PRKD3: variants seen among roughly 807,000 people sequenced by gnomAD.
The protein encoded by PRKD3 is serine/threonine-protein kinase D3.
A neutral mutation model predicts 99.2 loss-of-function variants in PRKD3; 47 were observed. The observed-to-expected ratio is 0.47, with a 90% CI of 0.38 to 0.60. The LOEUF is 0.60. Ranked by LOEUF, PRKD3 falls within the 20% of genes least tolerant of loss-of-function variation. PRKD3 has a pLI of 0.00. For missense variants in PRKD3, 1,019 were observed against 1,088.4 expected (o/e 0.94, Z 0.90); for synonymous variants, 392 against 355.4 (o/e 1.10, Z -1.16).
chr2:37,264,316 T>C (rs184659483), intron 14 of PRKD3, among the ~76,000 whole-genome samples: 2 of 152,362 alleles, frequency 1.3e-5, no homozygotes, highest in Non-Finnish European at 2.9e-5. Flanking sequence ...TCATTAAATA[T>C]TAAATAAGAA....
At chr2:37,283,624 A>G (rs746669657) in intron 6 of PRKD3, among the ~76,000 whole-genome samples, 19 of 152,172 alleles carry the variant, frequency 1.2e-4, no homozygotes, top group Non-Finnish European at 2.8e-4. Flanking sequence ...ACTACCTCTT[A>G]AACAATAGAT....
intron 2 of PRKD3, among the ~76,000 whole-genome samples, chr2:37,295,243 A>G (rs1216502758): frequency 6.6e-6 from 1 of 152,210 alleles, no homozygotes; most frequent in Non-Finnish European, 1.5e-5. Context: ...AGGAAGACAG[A>G]AATAAACACA....
intron 1 of PRKD3, among the ~76,000 whole-genome samples, chr2:37,320,423 C>CTTTTTTTTTTTTTTT (rs35158902): frequency 1.3e-5 from 1 of 78,126 alleles, no homozygotes; most frequent in Non-Finnish European, 2.3e-5. Flanking sequence ...AAGTTAACGA[C>CTTTTTTTTTTTTTTT]TTTTTTTTTT....
rs749324580 is a variant in PRKD3 at position 37,260,244 on chromosome 2, A to G, written c.2025T>C (p.Ile675=). 1 of 1,611,546 alleles carries G rather than the reference A, an allele frequency of 6.2e-7. No homozygotes were observed. The highest frequency in any genetic ancestry group is 8.5e-7 in the Non-Finnish European group (1 of 1,178,140). The change falls in exon 15 of 19, where the codon ATT becomes ATC. Residue 675 remains isoleucine (I), a synonymous_variant. Transcript: ENST00000234179. ...ATACCTGTGTGACCATGAATTTAGT[A>G]ATTCGTTCTGGAAGCCGACTTTTCT... is the stretch of plus-strand genomic sequence containing the variant. ...SSEKSRLPER[I]TKFMVTQILV... is the part of the protein sequence containing the mutation.
chr2:37,318,032 C>A (rs1671736370), intron 1 of PRKD3: 1 of 151,276 alleles, frequency 6.6e-6, no homozygotes, highest in African/African-American at 2.4e-5. Flanking sequence ...TGAAACAGCT[C>A]ATAATTGATG....
Position 37,324,766 on chromosome 2 carries a change from GCAGGATCC to G in PRKD3, c.-749_-742del, listed in dbSNP as rs1300806008. The G allele has an allele frequency of 6.6e-6, 1 of 151,074 alleles. No individual in the cohort carries two copies. The highest frequency in any genetic ancestry group is 6.6e-5 in the Admixed American group (1 of 15,202). 9.4% of individuals were successfully genotyped at this position (151,074 alleles called of 1,614,324 possible). On this transcript the variant is annotated 5_prime_UTR_variant, in exon 1 of 19. Transcript: ENST00000234179. ...GCGCCAGCGAGGCTTCACGCGCCTCGCAGGATCCCGCCCGCCTCCGGCGCCCCTTCCTC... is the reference window on the plus strand; with the variant it reads ...GCGCCAGCGAGGCTTCACGCGCCTCGCGCCCGCCTCCGGCGCCCCTTCCTC...
chr2:37,284,704 T>C (rs1170200156), intron 6 of PRKD3, among the ~76,000 whole-genome samples: 1 of 152,220 alleles, frequency 6.6e-6, no homozygotes, highest in Non-Finnish European at 1.5e-5. Flanking sequence ...AGTTATCAAA[T>C]ACCTGACAAC....
At chr2:37,269,804 C>T (rs1208138456) in intron 12 of PRKD3, 117 bp from the exon 13 acceptor site, 4 of 731,380 alleles carry the variant, frequency 5.5e-6, no homozygotes, top group Middle Eastern at 3.4e-4. Flanking sequence ...AGCTAATTTC[C>T]ATAAAGTGCA....
In PRKD3 at chr2:37,297,929, T is replaced by A. The variant is rs539836423; in HGVS notation, c.289-4658A>T. ...ATACATACTCTTTGGAAGTAAGTCA[T>A]TATGAGCAGAGCACTTAAGAAGTGG... On this transcript the variant is annotated intron_variant, in intron 2 of 18. Transcript: ENST00000234179. Among the ~76,000 whole-genome samples the A allele has an allele frequency of 9.2e-5, 14 of 152,334 alleles. No homozygotes were observed. In the East Asian group the frequency reaches 2.7e-3, roughly 29 times the overall value.
chr2:37,259,833 C>T lies in PRKD3; in HGVS notation c.2047-152G>A, dbSNP rs1256668608. The T allele has an allele frequency of 1.2e-5, 7 of 604,684 alleles. No individual in the cohort carries two copies. The East Asian group carries it at 2.0e-4, about 17-fold the overall frequency. The allele number at this position is 604,684 out of a possible 1,614,324, so 37.5% of individuals were successfully genotyped here. The stretch of plus-strand genomic sequence containing the variant: ...TCTGCTCCTTAAGGTTAACAATTCC[C>T]ACAATCACCCAACATGTAAAAGTAC... On this transcript the variant is annotated intron_variant, in intron 15 of 18. Coordinates refer to ENST00000234179, the MANE Select transcript of PRKD3 (RefSeq NM_005813.6).
At chr2:37,306,030 T>C (rs1671150198) in intron 2 of PRKD3, among the ~76,000 whole-genome samples, 1 of 151,788 alleles carries the variant, frequency 6.6e-6, no homozygotes. Flanking sequence ...AAAACTCTGC[T>C]ATGGCATAAT....
rs756083627 is a variant in PRKD3, at chr2:37,256,642, T to G, written c.2413+20A>C. 5.0e-6 allele frequency: 7 copies of G among 1,390,620 alleles called. No homozygotes were observed. Among genetic ancestry groups the G allele is most frequent in the Non-Finnish European group, 6.5e-6 (7 of 1,074,430 alleles). The allele number at this position is 1,390,620 out of a possible 1,614,324, so 86.1% of individuals were successfully genotyped here. ...ACATAGCCAAAATTTTTTTTTTTTT[T>G]TTTTTTTTTTTTTTTTTACCTTCAC... is the stretch of plus-strand genomic sequence containing the variant. On this transcript the variant is annotated intron_variant, in intron 17 of 18. Transcript: ENST00000234179.
intron 16 of PRKD3, among the ~76,000 whole-genome samples, chr2:37,257,863 T>TA (rs1369372184): frequency 6.6e-6 from 1 of 152,100 alleles, no homozygotes. Context: ...CAGCAACACT[T>TA]TTCTATCACT....
chr2:37,261,976 T>C (rs932427689), intron 14 of PRKD3, among the ~76,000 whole-genome samples: 2 of 152,208 alleles, frequency 1.3e-5, no homozygotes, highest in Non-Finnish European at 1.5e-5. Context: ...ATGGTCTTTG[T>C]GTTAGATGAT....
At chr2:37,295,950 T>C (rs1411535657) in intron 2 of PRKD3, among the ~76,000 whole-genome samples, 1 of 151,846 alleles carries the variant, frequency 6.6e-6, no homozygotes, top group African/African-American at 2.4e-5. Flanking sequence ...CTGAATTATA[T>C]AGCAAGTAAA....
chr2:37,301,862 C>G (rs918204087), intron 2 of PRKD3, among the ~76,000 whole-genome samples: 2 of 152,182 alleles, frequency 1.3e-5, no homozygotes, highest in African/African-American at 2.4e-5. Context: ...TGATCCTCAG[C>G]TGAGATGATT....
At position 37,287,230 on chromosome 2, in the gene PRKD3, C is replaced by CAAAAAAAAAAAAAAAAAAAAAAAA. The variant is rs754092348; in HGVS notation, c.718-885_718-862dup. On this transcript the variant is annotated intron_variant, in intron 5 of 18. Coordinates refer to ENST00000234179, the MANE Select transcript of PRKD3 (RefSeq NM_005813.6). ...GGGCAACAAGAGCGAAACTCCATCT[C>CAAAAAAAAAAAAAAAAAAAAAAAA]AAAAAAAAAAAAAAAAAAAAAAAAA... Among the ~76,000 whole-genome samples the CAAAAAAAAAAAAAAAAAAAAAAAA allele has an allele frequency of 9.3e-5, 5 of 53,648 alleles. 1 individual carries two copies. Among genetic ancestry groups the CAAAAAAAAAAAAAAAAAAAAAAAA allele is most frequent in the African/African-American group, 2.8e-4 (3 of 10,536 alleles). 35.2% of individuals were successfully genotyped at this position (53,648 alleles called of 152,430 possible).
At chr2:37,286,146 A>C (rs747141185) in intron 6 of PRKD3, 31 bp downstream of exon 6, 3 of 1,517,434 alleles carry the variant, frequency 2.0e-6, no homozygotes, top group Non-Finnish European at 2.7e-6. Flanking sequence ...AACAGACATA[A>C]ATTTTAATTA....
chr2:37,303,813 T>C (rs1671044198), intron 2 of PRKD3, among the ~76,000 whole-genome samples: 1 of 152,214 alleles, frequency 6.6e-6, no homozygotes. Flanking sequence ...AAGTTTAACA[T>C]ACATTTACTT....
Sources: allele counts gnomAD v4.1 joint callset (sites outside exome capture counted in the v4.1 genomes callset), GRCh38; gene constraint gnomAD v4.1.1; transcripts MANE v1.5; gene names NCBI Gene and HGNC (gene_info 2026-07-23, HGNC 2026-07-21).